The following ABHD8 variants were observed in gnomAD, a reference collection of about 807,000 sequenced individuals.
ABHD8 encodes the protein protein ABHD8.
A neutral mutation model predicts 29.3 loss-of-function variants in ABHD8; 10 were observed. That is an observed-to-expected ratio of 0.34 (90% CI 0.21 to 0.58). The LOEUF is 0.58. Among genes scored for constraint, ABHD8 ranks in the 20% least tolerant of loss-of-function variants. The pLI is 0.85. For synonymous variants in ABHD8, 282 were observed against 274.6 expected (o/e 1.03, Z -0.27); for missense variants, 556 against 615.3 (o/e 0.90, Z 1.02).
chr19:17,293,737 A>G (rs1391927636), intron 4 of ABHD8, among the ~76,000 whole-genome samples: 4 of 149,518 alleles, frequency 2.7e-5, no homozygotes, highest in African/African-American at 9.9e-5. Context: ...TCTGTCGCCC[A>G]GGCTGGAGTG....
chr19:17,297,509 T>G (rs1328349844), intron 2 of ABHD8, among the ~76,000 whole-genome samples: 1 of 152,184 alleles, frequency 6.6e-6, no homozygotes, highest in Non-Finnish European at 1.5e-5. Context: ...TTGGCCAGGC[T>G]GGTCTTGAAC....
In ABHD8 at chr19:17,292,509, C is replaced by G; in HGVS notation, c.*152G>C. On this transcript the variant is annotated 3_prime_UTR_variant, in exon 5 of 5. Transcript: ENST00000247706. ...CTGGGCTCCCTCGGATGCCACGCCCCGCCCAGGCAGCCTGGGGGCGTCTCC... is the reference window on the plus strand; with the variant it reads ...CTGGGCTCCCTCGGATGCCACGCCCGGCCCAGGCAGCCTGGGGGCGTCTCC... 36 of 920,442 alleles carry G rather than the reference C, an allele frequency of 3.9e-5. No individual in the cohort carries two copies. Among genetic ancestry groups the G allele is most frequent in the Non-Finnish European group, 5.5e-5 (36 of 656,866 alleles). The allele number at this position is 920,442 out of a possible 1,614,324, so 57.0% of individuals were successfully genotyped here. A position where few individuals can be genotyped will look rare whatever the true frequency, so the allele number is the denominator to read the frequency against.
rs761490842 is a variant in ABHD8, at chr19:17,294,520, G to A, written c.933-16C>T. The A allele has an allele frequency of 7.4e-6, 12 of 1,613,428 alleles. No homozygotes were observed. The South Asian group carries it at 1.1e-4, about 15-fold the overall frequency. ...GAAGCCGGCCCTGGTGGTGGTGGAG[G>A]CACCGCTAGAGCCCCTTATGCCAGC... On this transcript the variant is annotated splice_polypyrimidine_tract_variant and intron_variant, in intron 3 of 4. Transcript: ENST00000247706.
intron 3 of ABHD8, 32 bp from the exon 4 acceptor site, chr19:17,294,536 T>C (rs753308937): frequency 6.2e-7 from 1 of 1,612,892 alleles, no homozygotes; most frequent in Admixed American, 1.7e-5. Flanking sequence ...CTAGAGCCCC[T>C]TATGCCAGCC....
At chr19:17,297,783 T>C (rs2074100041) in intron 2 of ABHD8, 1 of 150,772 alleles carries the variant, frequency 6.6e-6, no homozygotes, top group Non-Finnish European at 1.5e-5. Flanking sequence ...TTTGTAGAGA[T>C]GAGATCTTGC....
rs2074115848 is a variant in ABHD8 at position 17,301,172 on chromosome 19, G to A, written c.445C>T (p.Arg149Trp). 1.9e-6 allele frequency: 3 copies of A among 1,607,562 alleles called. No homozygotes were observed. Among genetic ancestry groups the A allele is most frequent in the East Asian group, 2.2e-5 (1 of 44,804 alleles). ...GTCCTCTTGGGGCGCCTGGCTCGCC[G>A]CCGCCGCCCACCACTGCCACTGCCG... is the stretch of plus-strand genomic sequence containing the variant. Reference protein sequence around the residue: ...GSGSGSGGRRRRARRPKRTIH... With the variant: ...GSGSGSGGRRWRARRPKRTIH... The change falls in exon 2 of 5, where the codon CGG (arginine) becomes TGG (tryptophan). Residue 149 changes from arginine (R) to tryptophan (W), a missense_variant. Around this residue, in one of 2 missense-constraint regions of ABHD8, gnomAD observed 286 missense variants for 261.4 expected, o/e 1.09. Coordinates refer to ENST00000247706, the MANE Select transcript of ABHD8 (RefSeq NM_024527.5).
chr19:17,300,734 T>A, intron 2 of ABHD8, 122 bp downstream of exon 2: 1 of 1,296,270 alleles, frequency 7.7e-7, no homozygotes, highest in Non-Finnish European at 1.1e-6. Flanking sequence ...TGCCTCGGCC[T>A]CCCAAAGTGC....
At chr19:17,301,808 GTT>G (rs1491392926) in intron 1 of ABHD8, among the ~76,000 whole-genome samples, 184 bp from the exon 2 acceptor site, 199 of 142,608 alleles carry the variant, frequency 1.4e-3, no homozygotes, top group Middle Eastern at 3.6e-3. Flanking sequence ...GTGTGTGTGT[GTT>G]TTTGAGACAG....
At position 17,301,301 on chromosome 19, in the gene ABHD8, C is replaced by T. The variant is rs773559603; in HGVS notation, c.316G>A (p.Gly106Arg). 5.0e-6 allele frequency: 8 copies of T among 1,607,174 alleles called. No homozygotes were observed. Among genetic ancestry groups the T allele is most frequent in the Non-Finnish European group, 6.8e-6 (8 of 1,179,742 alleles). The change falls in exon 2 of 5, where the codon GGG (glycine) becomes AGG (arginine). Residue 106 changes from glycine to arginine, a missense_variant. Gly to Arg is a moderately radical substitution (Grantham distance 125, BLOSUM62 -2). Coordinates refer to ENST00000247706, the MANE Select transcript of ABHD8 (RefSeq NM_024527.5). ...GRAPRADLLH[G>R]QNGSGEPPAA... The stretch of plus-strand genomic sequence containing the variant: ...GGCGGCTCCCCAGAGCCATTCTGCC[C>T]GTGTAGGAGGTCGGCTCGAGGGGCT...
At chr19:17,296,278 T>G (rs1204866328) in intron 2 of ABHD8, 1 of 152,280 alleles carries the variant, frequency 6.6e-6, no homozygotes, top group East Asian at 1.9e-4. Context: ...GGTCTTGAAC[T>G]TCTGGGCTCA....
In ABHD8 at chr19:17,301,451, C is replaced by G; in HGVS notation, c.166G>C (p.Ala56Pro). The change falls in exon 2 of 5, where the codon GCC (alanine) becomes CCC (proline). Residue 56 changes from alanine (A) to proline (P), a missense_variant. Physicochemically the swap from Ala to Pro is conservative, Grantham distance 27. Transcript: ENST00000247706. ...VKHAGPAPAAAPPPPSSASSD... is the reference protein window; with the variant it reads ...VKHAGPAPAAPPPPPSSASSD... ...GATGCGGATGATGGTGGAGGTGGGG[C>G]AGCGGCTGGGGCGGGTCCTGCATGC... 1.2e-6 allele frequency: 2 copies of G among 1,611,904 alleles called. No homozygotes were observed. Among genetic ancestry groups the G allele is most frequent in the East Asian group, 4.5e-5 (2 of 44,862 alleles).
chr19:17,297,367 C>T (rs1226330601), intron 2 of ABHD8, among the ~76,000 whole-genome samples: 1 of 152,108 alleles, frequency 6.6e-6, no homozygotes, highest in Non-Finnish European at 1.5e-5. Flanking sequence ...GCGATCTCGG[C>T]TCACTGCAAC....
rs534228266 is a variant in ABHD8 at position 17,301,825 on chromosome 19, G to T, written c.-8-201C>A. Among the ~76,000 whole-genome samples, 7 of 148,336 alleles carry T rather than the reference G, an allele frequency of 4.7e-5. No homozygotes were observed. In the East Asian group the frequency reaches 1.2e-3, roughly 25 times the overall value. On this transcript the variant is annotated intron_variant, in intron 1 of 4. Transcript: ENST00000247706. Reference sequence around the variant, plus strand: ...GTGTGTGTGTTTTTGAGACAGTCTCGCTTTGTCATCCAGGCTGGAGGGCAG... The same window carrying T: ...GTGTGTGTGTTTTTGAGACAGTCTCTCTTTGTCATCCAGGCTGGAGGGCAG...
chr19:17,301,136 C>A lies in ABHD8; in HGVS notation c.481G>T (p.Asp161Tyr). 6.2e-7 allele frequency: 1 copy of A among 1,612,752 alleles called. No individual in the cohort carries two copies. Among genetic ancestry groups the A allele is most frequent in the South Asian group, 1.1e-5 (1 of 91,080 alleles). The part of the protein sequence containing the change: ...ARRPKRTIHI[D>Y]CEKRITSCKG... Reference sequence around the variant, plus strand: ...CAGCTAGTGATGCGCTTCTCACAGTCAATATGGATGGTCCTCTTGGGGCGC... The same window carrying A: ...CAGCTAGTGATGCGCTTCTCACAGTAAATATGGATGGTCCTCTTGGGGCGC... The change falls in exon 2 of 5, where the codon GAC (aspartate) becomes TAC (tyrosine). Residue 161 changes from aspartate to tyrosine, a missense_variant. By Grantham distance (160) the Asp-to-Tyr change is radical. Transcript: ENST00000247706.
Position 17,292,348 on chromosome 19 carries a change from G to A in ABHD8, c.*313C>T. On this transcript the variant is annotated 3_prime_UTR_variant, in exon 5 of 5. Transcript: ENST00000247706. The stretch of plus-strand genomic sequence containing the variant: ...CTGACACGGAAGACAGCGGGGTGGG[G>A]GGCCTGCCTTGGCCGTGGCGTTGGG... 2.4e-6 allele frequency: 1 copy of A among 424,068 alleles called. No homozygotes were observed. 26.3% of individuals were successfully genotyped at this position (424,068 alleles called of 1,614,324 possible).
At chr19:17,296,206 C>G (rs975407286) in intron 2 of ABHD8, 1 of 151,192 alleles carries the variant, frequency 6.6e-6, no homozygotes, top group African/African-American at 2.4e-5. Flanking sequence ...TTTCACCAGA[C>G]TTTTTATTTT....
rs151037617 is a variant in ABHD8, at chr19:17,301,543, T to C, written c.74A>G (p.Glu25Gly). 3,563 of 1,609,048 alleles carry C rather than the reference T, an allele frequency of 2.2e-3. 23 individuals carry two copies. Among genetic ancestry groups the C allele is most frequent in the Non-Finnish European group, 1.8e-3 (2,076 of 1,177,914 alleles). The change falls in exon 2 of 5, where the codon GAG becomes GGG. Residue 25 changes from glutamate (E) to glycine (G), a missense_variant. Coordinates refer to ENST00000247706, the MANE Select transcript of ABHD8 (RefSeq NM_024527.5). ...GTPPNAVGPL[E>G]SVESSDGYTF... is the part of the protein sequence containing the mutation. The stretch of plus-strand genomic sequence containing the variant: ...GTAGCCATCGCTGGACTCGACGCTC[T>C]CCAGTGGCCCCACGGCGTTGGGGGG...
chr19:17,301,562 T>TG lies in ABHD8; in HGVS notation c.54dup (p.Asn19GlnfsTer143), dbSNP rs761619410. 2 of 1,599,318 alleles carry TG rather than the reference T, an allele frequency of 1.3e-6. No homozygotes were observed. On this transcript the variant is annotated frameshift_variant, in exon 2 of 5. Coordinates refer to ENST00000247706, the MANE Select transcript of ABHD8 (RefSeq NM_024527.5). LOFTEE classifies it high-confidence loss of function. ...ACGCTCTCCAGTGGCCCCACGGCGT[T>TG]GGGGGGCGTGCCCAGCAGGCAACAG...
rs1220959719 is a variant in ABHD8 at position 17,294,522 on chromosome 19, A to C, written c.933-18T>G. On this transcript the variant is annotated intron_variant, in intron 3 of 4. Transcript: ENST00000247706. ...AGCCGGCCCTGGTGGTGGTGGAGGC[A>C]CCGCTAGAGCCCCTTATGCCAGCCC... 1 of 1,613,516 alleles carries C rather than the reference A, an allele frequency of 6.2e-7. No homozygotes were observed. The highest frequency in any genetic ancestry group is 8.5e-7 in the Non-Finnish European group (1 of 1,179,968).
Sources: allele counts gnomAD v4.1 joint callset (sites outside exome capture counted in the v4.1 genomes callset), GRCh38; gene constraint gnomAD v4.1.1; regional missense constraint gnomAD v4.1.1; transcripts MANE v1.5; gene names NCBI Gene and HGNC (gene_info 2026-07-23, HGNC 2026-07-21).